Variants in FER observed in about 807,000 individuals in gnomAD.
FER encodes FER tyrosine kinase, also known as tyrosine-protein kinase Fer.
In FER, 63 loss-of-function variants were observed where a neutral mutation model predicts 111.0. The ratio of observed to expected loss-of-function variants is 0.57; its 90% CI spans 0.46 to 0.70. The LOEUF (loss-of-function observed/expected upper bound fraction) is 0.70. Ranked by LOEUF, FER falls within the 30% of genes least tolerant of loss-of-function variation. FER has a pLI of 0.00. For synonymous variants in FER, 327 were observed against 313.9 expected (o/e 1.04, Z -0.44); for missense variants, 914 against 954.0 (o/e 0.96, Z 0.55).
At chr5:109,186,096 A>ACATCATTATGTGGTGCATG in intron 18 of FER, 104 bp from the exon 19 acceptor site, 1 of 1,507,088 alleles carries the variant, frequency 6.6e-7, no homozygotes, top group African/African-American at 1.4e-5. Flanking sequence ...CATTGACCAA[A>ACATCATTATGTGGTGCATG]CATCATTATG....
At chr5:108,983,643 G>A (rs1762242600) in intron 13 of FER, among the ~76,000 whole-genome samples, 1 of 152,038 alleles carries the variant, frequency 6.6e-6, no homozygotes, top group Non-Finnish European at 1.5e-5. Flanking sequence ...TGAGAGCAGA[G>A]GGAACACTGG....
At chr5:108,942,988 C>A (rs1280246943) in intron 10 of FER, among the ~76,000 whole-genome samples, 1 of 152,116 alleles carries the variant, frequency 6.6e-6, no homozygotes, top group African/African-American at 2.4e-5. Context: ...TTTCATTGTT[C>A]TGTCCAAGAA....
intron 8 of FER, among the ~76,000 whole-genome samples, chr5:108,882,550 G>C (rs1464894935): frequency 6.6e-6 from 1 of 151,702 alleles, no homozygotes; most frequent in Non-Finnish European, 1.5e-5. Flanking sequence ...TTTTTTCTAA[G>C]AGTTTTTCTG....
chr5:109,184,365 T>C (rs926479407), intron 18 of FER, among the ~76,000 whole-genome samples: 4 of 152,166 alleles, frequency 2.6e-5, no homozygotes, highest in African/African-American at 9.7e-5. Context: ...CTATAGAGTA[T>C]TATGAAGATC....
chr5:109,146,173 G>A (rs1360764482), intron 17 of FER, among the ~76,000 whole-genome samples: 1 of 100,792 alleles, frequency 9.9e-6, no homozygotes, highest in Non-Finnish European at 2.2e-5. Context: ...ACAGAATTTT[G>A]CAGCAAAAAA....
At chr5:109,094,463 C>T (rs1209670721) in intron 16 of FER, among the ~76,000 whole-genome samples, 2 of 152,110 alleles carry the variant, frequency 1.3e-5, no homozygotes, top group Non-Finnish European at 2.9e-5. Flanking sequence ...CTCGACCAAT[C>T]TGTAATGCAA....
At position 108,782,411 on chromosome 5, in the gene FER, A is replaced by G. The variant is rs1017890466; in HGVS notation, c.-60+14173A>G. Among the ~76,000 whole-genome samples, 10 of 152,064 alleles carry G rather than the reference A, an allele frequency of 6.6e-5. No individual in the cohort carries two copies. The South Asian group carries it at 2.1e-3, about 31-fold the overall frequency. On this transcript the variant is annotated intron_variant, in intron 2 of 19. Transcript: ENST00000281092. ...ACCACGTTTCTTACATGCCCAGTAG[A>G]AGCCAGAAGTTGCAACTTGTTTTAT...
chr5:108,967,333 G>C (rs1414985936), intron 13 of FER, among the ~76,000 whole-genome samples: 1 of 152,144 alleles, frequency 6.6e-6, no homozygotes, highest in African/African-American at 2.4e-5. Context: ...TGAGTCAGCT[G>C]GTTTCTCTCC....
intron 10 of FER, among the ~76,000 whole-genome samples, chr5:108,903,709 G>A (rs1750361967): frequency 6.6e-6 from 1 of 152,158 alleles, no homozygotes; most frequent in South Asian, 2.1e-4. Flanking sequence ...TCTAAAAAAT[G>A]TACCTTAGTT....
intron 3 of FER, among the ~76,000 whole-genome samples, chr5:108,817,331 A>G (rs778103491): frequency 6.0e-4 from 91 of 152,130 alleles, no homozygotes; most frequent in Non-Finnish European, 1.1e-3. Flanking sequence ...TCTATATTCC[A>G]TAAAGACACA....
At chr5:109,041,722 T>G (rs1441884937) in intron 14 of FER, among the ~76,000 whole-genome samples, 1 of 152,144 alleles carries the variant, frequency 6.6e-6, no homozygotes, top group African/African-American at 2.4e-5. Flanking sequence ...CAGCTCAAAT[T>G]GCCAATAAAC....
intron 11 of FER, among the ~76,000 whole-genome samples, chr5:108,954,081 T>C (rs1391482091): frequency 1.3e-5 from 2 of 152,130 alleles, no homozygotes; most frequent in African/African-American, 4.8e-5. Flanking sequence ...CCACTCCTTA[T>C]CTTTGCCATG....
At chr5:108,823,377 T>G (rs944489529) in intron 3 of FER, among the ~76,000 whole-genome samples, 2 of 152,236 alleles carry the variant, frequency 1.3e-5, no homozygotes, top group African/African-American at 2.4e-5. Flanking sequence ...ACATAATGGG[T>G]GTCCTAATTT....
chr5:108,785,931 T>A (rs1754671794), intron 2 of FER, among the ~76,000 whole-genome samples: 2 of 152,218 alleles, frequency 1.3e-5, no homozygotes, highest in Non-Finnish European at 2.9e-5. Context: ...TCTTCGTTTG[T>A]CTCTTGCAGT....
chr5:109,066,023 A>G (rs1775049814), intron 16 of FER, among the ~76,000 whole-genome samples: 1 of 152,230 alleles, frequency 6.6e-6, no homozygotes. Flanking sequence ...GAAGGTGATT[A>G]AAGAGGTGAC....
intron 17 of FER, among the ~76,000 whole-genome samples, chr5:109,110,973 A>T (rs977258288): frequency 1.2e-4 from 18 of 152,172 alleles, no homozygotes; most frequent in African/African-American, 2.4e-5. Context: ...GTTTTATCAC[A>T]CTATGTAATT....
chr5:108,807,417 T>C (rs1757315799), intron 3 of FER, among the ~76,000 whole-genome samples: 1 of 152,238 alleles, frequency 6.6e-6, no homozygotes, highest in African/African-American at 2.4e-5. Flanking sequence ...CATAGAGGTA[T>C]TCGTAATAGT....
chr5:108,783,686 G>A (rs963178021), intron 2 of FER, among the ~76,000 whole-genome samples: 7 of 152,060 alleles, frequency 4.6e-5, no homozygotes, highest in African/African-American at 1.2e-4. Context: ...AGTCTGCACT[G>A]TTGTTTTGGT....
At chr5:108,948,165 A>G (rs556209229) in intron 11 of FER, among the ~76,000 whole-genome samples, 6 of 152,242 alleles carry the variant, frequency 3.9e-5, no homozygotes, top group African/African-American at 1.2e-4. Flanking sequence ...ATTAATCGCA[A>G]TGGTATTTTT....
Sources: gnomAD v4.1 joint callset for allele counts (sites outside exome capture counted in the v4.1 genomes callset) on GRCh38, gnomAD v4.1.1 for gene constraint, MANE v1.5 for transcripts, NCBI Gene and HGNC (gene_info 2026-07-23, HGNC 2026-07-21) for gene names.